KPNA5: variants seen among roughly 807,000 people sequenced by gnomAD.
KPNA5 encodes the protein karyopherin subunit alpha 5.
KPNA5 carries 46 observed loss-of-function variants against 71.3 expected under a neutral mutation model. The ratio of observed to expected loss-of-function variants is 0.65; its 90% CI spans 0.51 to 0.83. The LOEUF (loss-of-function observed/expected upper bound fraction) is 0.83, where lower values mean the gene tolerates loss of function less well. KPNA5 is among the 40% of genes least tolerant of loss of function. The pLI is 0.00. For missense variants in KPNA5, 547 were observed against 628.3 expected, an observed-to-expected ratio of 0.87 and a Z score of 1.38; for synonymous variants, 207 against 201.4, an observed-to-expected ratio of 1.03 and a Z score of -0.24.
Position 116,739,041 on chromosome 6 carries a change from A to G in KPNA5, c.*6718A>G, listed in dbSNP as rs967242095. ...AGAAGGAAATAAAGGGTATTCAATT[A>G]GGAAAAGAGGAAATCAAATTGTCCC... is the stretch of plus-strand genomic sequence containing the variant. On this transcript the variant is annotated 3_prime_UTR_variant, in exon 14 of 14. Coordinates refer to ENST00000368564, the MANE Select transcript of KPNA5 (RefSeq NM_001366306.2). 4.2e-4 allele frequency: 64 copies of G among 152,166 alleles called. 1 individual carries two copies. Among genetic ancestry groups the G allele is most frequent in the Admixed American group, 2.2e-3 (33 of 15,258 alleles). 9.4% of individuals were successfully genotyped at this position (152,166 alleles called of 1,614,324 possible).
intron 7 of KPNA5, among the ~76,000 whole-genome samples, chr6:116,708,623 A>AT (rs970001647): frequency 6.6e-6 from 1 of 152,174 alleles, no homozygotes; most frequent in African/African-American, 2.4e-5. Flanking sequence ...CATTTTGTAG[A>AT]TTTTAGTAAA....
Position 116,740,393 on chromosome 6 carries a change from G to A in KPNA5, c.*8070G>A, listed in dbSNP as rs902236531. On this transcript the variant is annotated 3_prime_UTR_variant, in exon 14 of 14. Transcript: ENST00000368564. ...AAATAGGAACACTTTTACACTGTTG[G>A]TGGGACTGTAAACTAGTTCAAGCAT... The A allele has an allele frequency of 1.3e-5, 2 of 152,182 alleles. No individual in the cohort carries two copies. The highest frequency in any genetic ancestry group is 2.4e-5 in the African/African-American group (1 of 41,454). The allele number at this position is 152,182 out of a possible 1,614,324, so 9.4% of individuals were successfully genotyped here.
intron 5 of KPNA5, among the ~76,000 whole-genome samples, chr6:116,700,495 CTGA>C (rs1339937738): frequency 6.6e-6 from 1 of 152,016 alleles, no homozygotes; most frequent in African/African-American, 2.4e-5. Flanking sequence ...CACACACACA[CTGA>C]GAAGTTGAGC....
chr6:116,711,521 C>G (rs1778685257), intron 7 of KPNA5, among the ~76,000 whole-genome samples: 1 of 140,064 alleles, frequency 7.1e-6, no homozygotes, highest in African/African-American at 2.8e-5. Context: ...TTATTTATCT[C>G]AAAGTATTTT....
Position 116,716,254 on chromosome 6 carries a change from G to C in KPNA5, c.692G>C (p.Arg231Thr). The C allele has an allele frequency of 1.2e-6, 2 of 1,613,338 alleles. No homozygotes were observed. The highest frequency in any genetic ancestry group is 1.7e-6 in the Non-Finnish European group (2 of 1,179,778). ...LTNSNRLTTT[R>T]NAVWALSNLC... ...AATTCAAACAGACTCACAACAACAA[G>C]AAATGCCGTGTGGGCCCTCTCAAAT... Residue 231 changes from arginine (R) to threonine (T), a missense_variant, in exon 8 of 14, where the codon AGA becomes ACA. Coordinates refer to ENST00000368564, the MANE Select transcript of KPNA5 (RefSeq NM_001366306.2).
chr6:116,716,008 T>A (rs953097115), intron 7 of KPNA5, among the ~76,000 whole-genome samples: 19 of 152,166 alleles, frequency 1.2e-4, no homozygotes, highest in African/African-American at 4.6e-4. Flanking sequence ...AAGAATTCTT[T>A]TAAGAATTCA....
Position 116,716,218 on chromosome 6 carries a change from G to C in KPNA5, c.657-1G>C. On this transcript the variant is annotated splice_acceptor_variant, in intron 7 of 13. Coordinates refer to ENST00000368564, the MANE Select transcript of KPNA5 (RefSeq NM_001366306.2). LOFTEE classifies it high-confidence loss of function. ...ATTCTTTTTTTTCTTTTTCTTGGCA[G>C]GTTATTAACAAATTCAAACAGACTC... is the stretch of plus-strand genomic sequence containing the variant. 6.2e-7 allele frequency: 1 copy of C among 1,605,796 alleles called. No homozygotes were observed. Among genetic ancestry groups the C allele is most frequent in the South Asian group, 1.1e-5 (1 of 88,506 alleles).
At chr6:116,701,774 CATTAT>C (rs1395688625) in intron 5 of KPNA5, among the ~76,000 whole-genome samples, 1 of 152,042 alleles carries the variant, frequency 6.6e-6, no homozygotes, top group Non-Finnish European at 1.5e-5. Flanking sequence ...TGTATATTTT[CATTAT>C]ATTTTTCTCA....
intron 7 of KPNA5, among the ~76,000 whole-genome samples, chr6:116,707,842 A>G (rs1778506630): frequency 6.6e-6 from 1 of 152,224 alleles, no homozygotes; most frequent in South Asian, 2.1e-4. Flanking sequence ...ACATTGTACA[A>G]CTATCACTGC....
chr6:116,728,368 C>T (rs919749783), intron 12 of KPNA5, among the ~76,000 whole-genome samples: 1 of 152,048 alleles, frequency 6.6e-6, no homozygotes, highest in African/African-American at 2.4e-5. Flanking sequence ...ATTTTTCTAA[C>T]CACTTTTATC....
chr6:116,711,575 C>G (rs1778689878), intron 7 of KPNA5, among the ~76,000 whole-genome samples: 1 of 138,542 alleles, frequency 7.2e-6, no homozygotes. Context: ...TTTTAACTCA[C>G]TAGTTATTTA....
chr6:116,724,245 G>C (rs1378925187), intron 9 of KPNA5, 52 bp from the exon 10 acceptor site: 1 of 1,259,832 alleles, frequency 7.9e-7, no homozygotes, highest in Non-Finnish European at 1.2e-6. Flanking sequence ...TAACTTCTGT[G>C]TAAATTTTAA....
At chr6:116,687,445 A>G (rs1229545213) in intron 1 of KPNA5, among the ~76,000 whole-genome samples, 1 of 152,200 alleles carries the variant, frequency 6.6e-6, no homozygotes, top group Non-Finnish European at 1.5e-5. Context: ...GGGGGTGACA[A>G]CTGTTCTGTG....
At chr6:116,694,223 C>G (rs922946956) in intron 4 of KPNA5, among the ~76,000 whole-genome samples, 61 of 152,118 alleles carry the variant, frequency 4.0e-4, no homozygotes, top group Non-Finnish European at 7.5e-4. Context: ...AATGCGGGCT[C>G]TTTTTTGGTT....
chr6:116,718,414 T>C (rs1455615681), intron 8 of KPNA5, among the ~76,000 whole-genome samples: 1 of 151,378 alleles, frequency 6.6e-6, no homozygotes, highest in Non-Finnish European at 1.5e-5. Context: ...AGGCGCATGC[T>C]ACCTCGCCCA....
Position 116,722,278 on chromosome 6 carries a change from G to A in KPNA5, c.909G>A (p.Val303=). 1.9e-6 allele frequency: 3 copies of A among 1,605,790 alleles called. No homozygotes were observed. The highest frequency in any genetic ancestry group is 2.5e-6 in the Non-Finnish European group (3 of 1,176,554). The change falls in exon 9 of 14, where the codon GTG becomes GTA. Residue 303 remains valine, a synonymous_variant. Coordinates refer to ENST00000368564, the MANE Select transcript of KPNA5 (RefSeq NM_001366306.2). ...VIDSGVCRRL[V]ELLMHNDYKV... ...ATTCTGGAGTCTGTCGAAGATTGGT[G>A]GAACTTTTGATGTAACTATAAATAA...
chr6:116,699,204 T>C lies in KPNA5; in HGVS notation c.435+406T>C, dbSNP rs539503092. On this transcript the variant is annotated intron_variant, in intron 5 of 13. Transcript: ENST00000368564. Reference sequence around the variant, plus strand: ...TTCTTTTTTTCAAAACAGAATAAATTATTATTTAGTATTATCTAGTAGAAA... The same window carrying C: ...TTCTTTTTTTCAAAACAGAATAAATCATTATTTAGTATTATCTAGTAGAAA... Among the ~76,000 whole-genome samples, 3 of 152,190 alleles carry C rather than the reference T, an allele frequency of 2.0e-5. No homozygotes were observed. The South Asian group carries it at 6.2e-4, about 32-fold the overall frequency.
In KPNA5 at chr6:116,741,831, AG is replaced by A. The variant is rs1779879582; in HGVS notation, c.*9509del. 6.6e-6 allele frequency: 1 copy of A among 152,200 alleles called. No homozygotes were observed. The highest frequency in any genetic ancestry group is 6.6e-5 in the Admixed American group (1 of 15,264). 9.4% of individuals were successfully genotyped at this position (152,200 alleles called of 1,614,324 possible). A position where few individuals can be genotyped will look rare whatever the true frequency, so the allele number is the denominator to read the frequency against. On this transcript the variant is annotated 3_prime_UTR_variant, in exon 14 of 14. Transcript: ENST00000368564. Reference sequence around the variant, plus strand: ...TTCTTAATCCCCATGACTGTCCTTCAGTCACAATTCCAGAATAAAAGAATCT... The same window carrying A: ...TTCTTAATCCCCATGACTGTCCTTCATCACAATTCCAGAATAAAAGAATCT...
intron 6 of KPNA5, among the ~76,000 whole-genome samples, chr6:116,704,420 ATAT>A (rs1208692480): frequency 3.3e-5 from 5 of 152,228 alleles, no homozygotes; most frequent in Non-Finnish European, 7.3e-5. Context: ...TGGTGTTATA[ATAT>A]TATGAGACTA....
Sources: allele counts gnomAD v4.1 joint callset (sites outside exome capture counted in the v4.1 genomes callset), GRCh38; gene constraint gnomAD v4.1.1; transcripts MANE v1.5; gene names NCBI Gene and HGNC (gene_info 2026-07-23, HGNC 2026-07-21).